BPTF: variants seen among roughly 807,000 people sequenced by gnomAD.
BPTF encodes the protein bromodomain PHD finger transcription factor.
A neutral mutation model predicts 292.5 loss-of-function variants in BPTF; 18 were observed. The observed-to-expected ratio is 0.06, with a 90% CI of 0.04 to 0.09. BPTF has a LOEUF of 0.09. BPTF is among the 10% of genes least tolerant of loss of function. BPTF has a pLI of 1.00. For missense variants in BPTF, 2,726 were observed against 3,498.7 expected, an observed-to-expected ratio of 0.78 and a Z score of 5.57; for synonymous variants, 1,225 against 1,251.9, an observed-to-expected ratio of 0.98 and a Z score of 0.45.
At position 67,919,357 on chromosome 17, in the gene BPTF, G is replaced by A. The variant is rs920059156; in HGVS notation, c.5428+519G>A. Among the ~76,000 whole-genome samples the A allele has an allele frequency of 2.4e-4, 37 of 151,896 alleles. 1 individual carries two copies. The highest frequency in any genetic ancestry group is 4.7e-4 in the Non-Finnish European group (32 of 67,986). On this transcript the variant is annotated intron_variant, in intron 12 of 27. Transcript: ENST00000306378. ...TTGTGACCAGCCTGGACAACATAAC[G>A]AGACCTTGTCTCTTCAAAACTCTAA...
intron 3 of BPTF, among the ~76,000 whole-genome samples, chr17:67,872,424 T>C (rs1292808064): frequency 6.6e-6 from 1 of 152,064 alleles, no homozygotes; most frequent in Non-Finnish European, 1.5e-5. Flanking sequence ...GTAGTTGTGT[T>C]TGAAAATGGC....
intron 15 of BPTF, among the ~76,000 whole-genome samples, chr17:67,927,399 G>A (rs2064008769): frequency 1.3e-5 from 2 of 152,130 alleles, no homozygotes; most frequent in Admixed American, 1.3e-4. Flanking sequence ...TTTAATACCT[G>A]TAGTTTTAAA....
chr17:67,935,867 A>G (rs561023249), intron 18 of BPTF, among the ~76,000 whole-genome samples: 1 of 152,304 alleles, frequency 6.6e-6, no homozygotes. Flanking sequence ...GAAAAAAAGA[A>G]TTTTGTATAG....
chr17:67,919,355 A>G (rs1186340652), intron 12 of BPTF, among the ~76,000 whole-genome samples: 2 of 151,934 alleles, frequency 1.3e-5, no homozygotes, highest in Non-Finnish European at 2.9e-5. Flanking sequence ...GGACAACATA[A>G]CGAGACCTTG....
At chr17:67,870,455 A>G (rs186619673) in intron 3 of BPTF, among the ~76,000 whole-genome samples, 293 of 152,166 alleles carry the variant, frequency 1.9e-3, no homozygotes, top group Non-Finnish European at 1.8e-3. Context: ...TGTATTGGTA[A>G]TGAATTGAGC....
In BPTF at chr17:67,928,583, C is replaced by G; in HGVS notation, c.5980C>G (p.Gln1994Glu). The change falls in exon 16 of 28, where the codon CAA becomes GAA. Residue 1994 changes from glutamine (Q) to glutamate (E), a missense_variant. Gln to Glu is a conservative substitution (Grantham distance 29, BLOSUM62 2). This residue lies in a region of BPTF where 198 missense variants were observed against 277.1 expected (regional missense o/e 0.71). Transcript: ENST00000306378. ...TCAAACCTTTGCTACATGGGTTAAG[C>G]AAGGCCAGTCAAATTCAGGTATGGA... is the stretch of plus-strand genomic sequence containing the variant. ...FHQTFATWVK[Q>E]GQSNSGVVQV... is the part of the protein sequence containing the mutation. 2 of 1,612,352 alleles carry G rather than the reference C, an allele frequency of 1.2e-6. No homozygotes were observed. Among genetic ancestry groups the G allele is most frequent in the South Asian group, 1.1e-5 (1 of 90,882 alleles).
chr17:67,941,199 C>G (rs1403443038), intron 19 of BPTF, among the ~76,000 whole-genome samples: 1 of 152,126 alleles, frequency 6.6e-6, no homozygotes, highest in African/African-American at 2.4e-5. Context: ...GCCTGTAATC[C>G]CAGCACTTTG....
intron 2 of BPTF, among the ~76,000 whole-genome samples, chr17:67,864,070 G>T (rs1486233004): frequency 6.6e-6 from 1 of 152,056 alleles, no homozygotes; most frequent in South Asian, 2.1e-4. Context: ...AACATGGTAG[G>T]CCTTGTAAGA....
Position 67,918,724 on chromosome 17 carries a change from C to A in BPTF, c.5314C>A (p.Gln1772Lys). 1 of 1,613,100 alleles carries A rather than the reference C, an allele frequency of 6.2e-7. No homozygotes were observed. Among genetic ancestry groups the A allele is most frequent in the Non-Finnish European group, 8.5e-7 (1 of 1,179,340 alleles). The change falls in exon 12 of 28, where the codon CAG becomes AAG. Residue 1772 changes from glutamine to lysine, a missense_variant. Around this residue, in one of 22 missense-constraint regions of BPTF, gnomAD observed 36 missense variants for 34.7 expected, o/e 1.04. Transcript: ENST00000306378. Reference sequence around the variant, plus strand: ...TGGTTTTCCTTTCAGGTATAGACTTCAGACAGTAAAGTCCTTAGCTGGAGT... The same window carrying A: ...TGGTTTTCCTTTCAGGTATAGACTTAAGACAGTAAAGTCCTTAGCTGGAGT... The part of the protein sequence containing the change: ...TFGITWRYRL[Q>K]TVKSLAGVSL...
intron 1 of BPTF, among the ~76,000 whole-genome samples, chr17:67,839,984 A>G (rs2057422099): frequency 6.6e-6 from 1 of 152,106 alleles, no homozygotes; most frequent in South Asian, 2.1e-4. Context: ...TAATAAGTAT[A>G]TAGTGATATC....
At chr17:67,960,391 T>C (rs530677008) in intron 24 of BPTF, 2 of 152,378 alleles carry the variant, frequency 1.3e-5, no homozygotes, top group South Asian at 2.1e-4. Flanking sequence ...TTGTCAAAGT[T>C]TCCACTTTCT....
intron 4 of BPTF, among the ~76,000 whole-genome samples, chr17:67,883,002 A>T (rs868499393): frequency 5.3e-5 from 6 of 112,874 alleles, no homozygotes; most frequent in African/African-American, 2.2e-4. Flanking sequence ...GACGTTGTCT[A>T]AAAAAAAAAA....
rs1407287994 is a variant in BPTF, at chr17:67,966,808, A to C, written c.8539+152A>C. 2.1e-5 allele frequency: 15 copies of C among 713,408 alleles called. No homozygotes were observed. In the African/African-American group the frequency reaches 2.2e-4, roughly 11 times the overall value. The allele number at this position is 713,408 out of a possible 1,614,324, so 44.2% of individuals were successfully genotyped here. On this transcript the variant is annotated intron_variant, in intron 26 of 27. Coordinates refer to ENST00000306378, the MANE Select transcript of BPTF (RefSeq NM_182641.4). ...GAGGGTAAATTGTTAGTATCTATTA[A>C]AGTTTAATTGTGGCCGGGTGCGGTG... is the stretch of plus-strand genomic sequence containing the variant.
intron 11 of BPTF, among the ~76,000 whole-genome samples, chr17:67,914,855 T>C (rs150640551): frequency 2.2e-4 from 33 of 152,262 alleles, no homozygotes; most frequent in African/African-American, 7.9e-4. Flanking sequence ...TGGGAGGAAA[T>C]ACCTTCCATT....
chr17:67,873,184 G>T (rs2059852553), intron 3 of BPTF, among the ~76,000 whole-genome samples: 1 of 152,136 alleles, frequency 6.6e-6, no homozygotes, highest in African/African-American at 2.4e-5. Context: ...ATGGCCCGGT[G>T]CAGTGGCTCA....
At chr17:67,929,241 C>A in intron 16 of BPTF, 95 bp from the exon 17 acceptor site, 7 of 1,533,574 alleles carry the variant, frequency 4.6e-6, no homozygotes, top group Non-Finnish European at 6.2e-6. Flanking sequence ...CACTATAAAA[C>A]CCTGCCACAC....
chr17:67,933,708 A>G (rs946928527), intron 18 of BPTF, among the ~76,000 whole-genome samples: 1 of 152,246 alleles, frequency 6.6e-6, no homozygotes, highest in Non-Finnish European at 1.5e-5. Context: ...ATAGTAAGCC[A>G]CAATTAAACT....
At chr17:67,916,087 A>G (rs2062964082) in intron 11 of BPTF, among the ~76,000 whole-genome samples, 2 of 152,204 alleles carry the variant, frequency 1.3e-5, no homozygotes, top group South Asian at 4.1e-4. Context: ...AGTGACAGAC[A>G]CTTTCCCCCT....
chr17:67,982,350 A>T lies in BPTF; in HGVS notation c.*62A>T. On this transcript the variant is annotated 3_prime_UTR_variant, in exon 28 of 28. Coordinates refer to ENST00000306378, the MANE Select transcript of BPTF (RefSeq NM_182641.4). Reference sequence around the variant, plus strand: ...AATCTGGTTGTCTGAACTATTTTAAATTAAGGAGCCAGATGTTTTTAGTCA... The same window carrying T: ...AATCTGGTTGTCTGAACTATTTTAATTTAAGGAGCCAGATGTTTTTAGTCA... The T allele has an allele frequency of 6.8e-7, 1 of 1,477,448 alleles. No individual in the cohort carries two copies. Among genetic ancestry groups the T allele is most frequent in the South Asian group, 1.2e-5 (1 of 86,314 alleles). 91.5% of individuals were successfully genotyped at this position (1,477,448 alleles called of 1,614,324 possible). A position where few individuals can be genotyped will look rare whatever the true frequency, so the allele number is the denominator to read the frequency against.
Sources: allele counts gnomAD v4.1 joint callset (sites outside exome capture counted in the v4.1 genomes callset), GRCh38; gene constraint gnomAD v4.1.1; regional missense constraint gnomAD v4.1.1; transcripts MANE v1.5; gene names NCBI Gene and HGNC (gene_info 2026-07-23, HGNC 2026-07-21).